The following CDKAL1 variants were observed in gnomAD, a reference collection of about 807,000 sequenced individuals.
CDKAL1 encodes threonylcarbamoyladenosine tRNA methylthiotransferase.
Under a neutral mutation model 68.2 loss-of-function variants are expected in CDKAL1, and 32 were observed. That is an observed-to-expected ratio of 0.47 (90% CI 0.35 to 0.63). CDKAL1 has a LOEUF of 0.63. CDKAL1 is among the 30% of genes least tolerant of loss of function. The pLI, the probability that CDKAL1 is intolerant of heterozygous loss-of-function variation, is 0.00. For missense variants in CDKAL1, 606 were observed against 696.7 expected, an observed-to-expected ratio of 0.87 and a Z score of 1.47; for synonymous variants, 234 against 244.3, an observed-to-expected ratio of 0.96 and a Z score of 0.39.
At chr6:20,841,222 A>C (rs1453701570) in intron 8 of CDKAL1, among the ~76,000 whole-genome samples, 1 of 152,210 alleles carries the variant, frequency 6.6e-6, no homozygotes, top group East Asian at 1.9e-4. Flanking sequence ...AGTGGAATGG[A>C]AAGTGGAGGC....
chr6:21,022,090 C>T (rs1768698449), intron 11 of CDKAL1, among the ~76,000 whole-genome samples: 1 of 152,158 alleles, frequency 6.6e-6, no homozygotes, highest in African/African-American at 2.4e-5. Context: ...GGTAGCTGGG[C>T]AGAAGGCTGA....
intron 7 of CDKAL1, 104 bp from the exon 8 acceptor site, chr6:20,781,041 C>G: frequency 1.8e-6 from 2 of 1,130,756 alleles, no homozygotes; most frequent in Non-Finnish European, 2.5e-6. Context: ...ATGTTGTTTC[C>G]CCTGCTCCCG....
At chr6:20,936,871 T>C (rs548037016) in intron 9 of CDKAL1, among the ~76,000 whole-genome samples, 3 of 152,314 alleles carry the variant, frequency 2.0e-5, no homozygotes, top group African/African-American at 7.2e-5. Flanking sequence ...ACAAAGAGTA[T>C]GTTGGCCCTG....
chr6:21,227,166 C>T (rs185993326), intron 15 of CDKAL1, among the ~76,000 whole-genome samples: 1 of 152,308 alleles, frequency 6.6e-6, no homozygotes, highest in East Asian at 1.9e-4. Flanking sequence ...CTACGCTTGT[C>T]GTGTGTGTGT....
At chr6:21,189,050 G>C (rs1030400251) in intron 13 of CDKAL1, among the ~76,000 whole-genome samples, 2 of 152,142 alleles carry the variant, frequency 1.3e-5, no homozygotes, top group Non-Finnish European at 2.9e-5. Flanking sequence ...TTGTTACTAA[G>C]AATGGGATTT....
chr6:20,668,757 G>C (rs953272715), intron 5 of CDKAL1, among the ~76,000 whole-genome samples: 3 of 152,080 alleles, frequency 2.0e-5, no homozygotes, highest in Admixed American at 6.6e-5. Context: ...TCCAGTTTAG[G>C]ATTCTCCATT....
intron 13 of CDKAL1, among the ~76,000 whole-genome samples, chr6:21,120,160 G>T (rs942516230): frequency 1.3e-5 from 2 of 152,196 alleles, no homozygotes; most frequent in Admixed American, 6.5e-5. Flanking sequence ...TTCCTAGGAG[G>T]CAGGCAGAAT....
intron 5 of CDKAL1, among the ~76,000 whole-genome samples, chr6:20,706,569 G>A (rs1459934389): frequency 3.3e-5 from 5 of 152,010 alleles, no homozygotes; most frequent in Non-Finnish European, 5.9e-5. Context: ...ACTCATTTAA[G>A]GTGTCCTCTA....
chr6:20,740,380 T>G (rs1020120397), intron 6 of CDKAL1, among the ~76,000 whole-genome samples: 6 of 152,114 alleles, frequency 3.9e-5, no homozygotes, highest in African/African-American at 1.4e-4. Flanking sequence ...CTGTCTATTC[T>G]CTCTCTCTTG....
At chr6:20,809,576 T>C (rs1237576171) in intron 8 of CDKAL1, among the ~76,000 whole-genome samples, 1 of 152,220 alleles carries the variant, frequency 6.6e-6, no homozygotes. Context: ...GGAGGCAACA[T>C]ACTTTTTTCC....
chr6:21,180,055 A>G (rs1777730913), intron 13 of CDKAL1, among the ~76,000 whole-genome samples: 1 of 152,126 alleles, frequency 6.6e-6, no homozygotes, highest in Admixed American at 6.6e-5. Flanking sequence ...TCACCATTAT[A>G]AACTATGTGA....
chr6:20,938,841 G>A (rs1306662017), intron 9 of CDKAL1, among the ~76,000 whole-genome samples: 1 of 151,858 alleles, frequency 6.6e-6, no homozygotes, highest in Non-Finnish European at 1.5e-5. Context: ...GAGCATTTAT[G>A]CTTTGTTTTC....
intron 7 of CDKAL1, among the ~76,000 whole-genome samples, chr6:20,761,966 G>A (rs1280328697): frequency 2.0e-5 from 3 of 152,110 alleles, no homozygotes; most frequent in Admixed American, 2.0e-4. Context: ...TGTAACAAAC[G>A]TACCACTCTG....
intron 9 of CDKAL1, among the ~76,000 whole-genome samples, chr6:20,870,744 T>A (rs1760169180): frequency 6.6e-6 from 1 of 152,242 alleles, no homozygotes; most frequent in Non-Finnish European, 1.5e-5. Context: ...GCAAATAATT[T>A]AACCTTTGAA....
intron 4 of CDKAL1, among the ~76,000 whole-genome samples, chr6:20,617,056 G>A (rs192227053): frequency 7.8e-6 from 1 of 128,098 alleles, no homozygotes; most frequent in East Asian, 2.5e-4. Flanking sequence ...AAAAAAAAAA[G>A]CCTTTTTGTT....
chr6:20,688,824 T>G (rs112435029), intron 5 of CDKAL1, among the ~76,000 whole-genome samples: 1 of 152,232 alleles, frequency 6.6e-6, no homozygotes, highest in African/African-American at 2.4e-5. Flanking sequence ...TCTTGCTATC[T>G]AGACACGAAG....
chr6:20,691,677 G>A (rs941611112), intron 5 of CDKAL1, among the ~76,000 whole-genome samples: 1 of 152,018 alleles, frequency 6.6e-6, no homozygotes, highest in African/African-American at 2.4e-5. Context: ...AGTTGTCAAT[G>A]CTTACATAAT....
At chr6:20,581,627 G>C (rs769378695) in intron 4 of CDKAL1, among the ~76,000 whole-genome samples, 77 of 152,066 alleles carry the variant, frequency 5.1e-4, no homozygotes, top group Non-Finnish European at 9.6e-4. Context: ...CAGGCAAAAG[G>C]GTCAGTAATG....
At chr6:21,004,052 T>C (rs769774876) in intron 11 of CDKAL1, among the ~76,000 whole-genome samples, 2 of 152,210 alleles carry the variant, frequency 1.3e-5, no homozygotes, top group Non-Finnish European at 2.9e-5. Flanking sequence ...ATTTGTGTTA[T>C]GAGTTATGGA....
Sources: gnomAD v4.1 joint callset for allele counts (sites outside exome capture counted in the v4.1 genomes callset) on GRCh38, gnomAD v4.1.1 for gene constraint, MANE v1.5 for transcripts, NCBI Gene and HGNC (gene_info 2026-07-23, HGNC 2026-07-21) for gene names.